ZFP2: variants seen among roughly 807,000 people sequenced by gnomAD.
The protein encoded by ZFP2 is zinc finger protein ZFP2.
ZFP2 carries 33 observed loss-of-function variants against 36.1 expected under a neutral mutation model. The ratio of observed to expected loss-of-function variants is 0.92; its 90% CI spans 0.69 to 1.22. The LOEUF (loss-of-function observed/expected upper bound fraction) is 1.22, where lower values mean the gene tolerates loss of function less well. Among genes scored for constraint, ZFP2 ranks in the 50% most tolerant of loss-of-function variants. The probability of loss-of-function intolerance (pLI) is 0.00; values close to 1 mark genes in which losing one functional copy is unlikely to be tolerated. For missense variants in ZFP2, 522 were observed against 551.4 expected, an observed-to-expected ratio of 0.95 and a Z score of 0.53; for synonymous variants, 170 against 178.0, an observed-to-expected ratio of 0.96 and a Z score of 0.36.
intron 1 of ZFP2, among the ~76,000 whole-genome samples, chr5:178,897,170 T>A (rs1455734544): frequency 6.6e-6 from 1 of 152,158 alleles, no homozygotes; most frequent in Non-Finnish European, 1.5e-5. Context: ...TTTTGATACC[T>A]CCTGTCTTAT....
intron 3 of ZFP2, among the ~76,000 whole-genome samples, chr5:178,913,690 A>G (rs1299704452): frequency 6.6e-6 from 1 of 151,944 alleles, no homozygotes; most frequent in African/African-American, 2.4e-5. Flanking sequence ...ATTTACCTCA[A>G]AATGTTGAAT....
intron 4 of ZFP2, 47 bp from the exon 5 acceptor site, chr5:178,931,190 T>G (rs974673525): frequency 3.5e-5 from 51 of 1,476,052 alleles, no homozygotes; most frequent in Non-Finnish European, 4.5e-5. Context: ...GTTTCCAGTC[T>G]CCTAGCACAG....
chr5:178,917,211 G>T (rs1758450519), intron 4 of ZFP2, among the ~76,000 whole-genome samples: 3 of 152,194 alleles, frequency 2.0e-5, no homozygotes, highest in South Asian at 4.1e-4. Flanking sequence ...TACTATCAAA[G>T]ATTATGTGTA....
Position 178,931,842 on chromosome 5 carries a change from C to A in ZFP2, c.529C>A (p.Gln177Lys). Residue 177 changes from glutamine to lysine, a missense_variant, in exon 5 of 5, where the codon CAA becomes AAA. By Grantham distance (53) the Gln-to-Lys change is moderately conservative. Transcript: ENST00000361362. ...FSQSMNLTVH[Q>K]RTHTGEKPYQ... Reference sequence around the variant, plus strand: ...TCAGAGCATGAATCTTACTGTCCATCAACGAACTCACACCGGAGAGAAACC... The same window carrying A: ...TCAGAGCATGAATCTTACTGTCCATAAACGAACTCACACCGGAGAGAAACC... The A allele has an allele frequency of 6.2e-7, 1 of 1,612,650 alleles. No homozygotes were observed. Among genetic ancestry groups the A allele is most frequent in the East Asian group, 2.2e-5 (1 of 44,864 alleles).
chr5:178,924,943 C>T (rs55841430), intron 4 of ZFP2, among the ~76,000 whole-genome samples: 30,220 of 147,414 alleles, frequency 0.21, 5,571 homozygotes, highest in Non-Finnish European at 0.27. Context: ...GCTTTGTGTG[C>T]ATCTCCTCAT....
At position 178,932,303 on chromosome 5, in the gene ZFP2, G is replaced by GT; in HGVS notation, c.991dup (p.Cys331LeufsTer7). ...GAGTAAAACCTTTTGAATGTAACGA[G>GT]TGTGGAAAAGCTTTCAGTAAGAATT... On this transcript the variant is annotated frameshift_variant, in exon 5 of 5. Transcript: ENST00000361362. LOFTEE classifies it high-confidence loss of function. 1 of 1,614,152 alleles carries GT rather than the reference G, an allele frequency of 6.2e-7. No individual in the cohort carries two copies. Among genetic ancestry groups the GT allele is most frequent in the Non-Finnish European group, 8.5e-7 (1 of 1,180,020 alleles).
In ZFP2 at chr5:178,909,887, C is replaced by T. The variant is rs1198340206; in HGVS notation, c.-449-2697C>T. 38 of 1,567,992 alleles carry T rather than the reference C, an allele frequency of 2.4e-5. 1 individual carries two copies. The Admixed American group carries it at 6.3e-4, about 26-fold the overall frequency. ...CAATCACCTGAGTGAAGTTAAGGAA[C>T]ATGTTCCAAGAGTCCCGGGAGATGC... On this transcript the variant is annotated intron_variant, in intron 1 of 4. Coordinates refer to ENST00000361362, the MANE Select transcript of ZFP2 (RefSeq NM_030613.4).
Position 178,932,827 on chromosome 5 carries a change from T to C in ZFP2, c.*128T>C. 1.7e-6 allele frequency: 2 copies of C among 1,162,716 alleles called. No homozygotes were observed. The highest frequency in any genetic ancestry group is 2.4e-6 in the Non-Finnish European group (2 of 841,308). 72.0% of individuals were successfully genotyped at this position (1,162,716 alleles called of 1,614,324 possible). ...TTCAGTTGAAGTACAATATGTCATATCAGATAATACCACTGCAGAGAATCC... is the reference window on the plus strand; with the variant it reads ...TTCAGTTGAAGTACAATATGTCATACCAGATAATACCACTGCAGAGAATCC... On this transcript the variant is annotated 3_prime_UTR_variant, in exon 5 of 5. Coordinates refer to ENST00000361362, the MANE Select transcript of ZFP2 (RefSeq NM_030613.4).
At chr5:178,902,917 A>G (rs900912401) in intron 1 of ZFP2, among the ~76,000 whole-genome samples, 8 of 152,210 alleles carry the variant, frequency 5.3e-5, no homozygotes, top group Non-Finnish European at 1.0e-4. Context: ...TGTCCATATC[A>G]GTACATCGGG....
At chr5:178,919,257 A>G (rs963698333) in intron 4 of ZFP2, among the ~76,000 whole-genome samples, 2 of 152,242 alleles carry the variant, frequency 1.3e-5, no homozygotes, top group African/African-American at 4.8e-5. Context: ...TATTAATATG[A>G]TAGTAATAGA....
At chr5:178,915,561 A>T (rs1581835905) in intron 3 of ZFP2, 1 of 150,164 alleles carries the variant, frequency 6.7e-6, no homozygotes, top group African/African-American at 2.5e-5. Context: ...CAGTCTGCCC[A>T]CCTCAGCCTC....
At position 178,932,141 on chromosome 5, in the gene ZFP2, A is replaced by G; in HGVS notation, c.828A>G (p.Gly276=). The part of the protein sequence containing the change: ...GEKPYECSQC[G]KAFSKSSTLT... ...AACCCTATGAGTGTAGTCAATGTGG[A>G]AAAGCCTTTAGTAAGAGCTCAACTC... Residue 276 remains glycine, a synonymous_variant, in exon 5 of 5, where the codon GGA becomes GGG. Transcript: ENST00000361362. The G allele has an allele frequency of 1.2e-6, 2 of 1,613,324 alleles. No homozygotes were observed. Among genetic ancestry groups the G allele is most frequent in the Non-Finnish European group, 1.7e-6 (2 of 1,179,480 alleles).
chr5:178,920,979 G>A (rs1758549044), intron 4 of ZFP2, among the ~76,000 whole-genome samples: 1 of 152,160 alleles, frequency 6.6e-6, no homozygotes, highest in Admixed American at 6.5e-5. Flanking sequence ...GTGTTAGCAG[G>A]CAGTCAACCT....
intron 1 of ZFP2, among the ~76,000 whole-genome samples, chr5:178,910,824 AC>A (rs1436807202): frequency 6.6e-6 from 1 of 151,892 alleles, no homozygotes; most frequent in Non-Finnish European, 1.5e-5. Context: ...CCCTGCCGCC[AC>A]CACCCCTTCT....
In ZFP2 at chr5:178,913,065, T is replaced by C; in HGVS notation, c.-230T>C. ...GCAAAAAGAACCGCCTGAGGGTGGC[T>C]TTCGAGGTAAGTGCCAGGCTGTGCA... On this transcript the variant is annotated 5_prime_UTR_variant, in exon 3 of 5. Transcript: ENST00000361362. The C allele has an allele frequency of 1.0e-6, 1 of 985,866 alleles. No homozygotes were observed. Among genetic ancestry groups the C allele is most frequent in the Non-Finnish European group, 1.2e-6 (1 of 829,954 alleles). 61.1% of individuals were successfully genotyped at this position (985,866 alleles called of 1,614,324 possible).
intron 1 of ZFP2, chr5:178,909,711 G>A (rs1212343360): frequency 8.6e-6 from 13 of 1,512,282 alleles, no homozygotes; most frequent in Admixed American, 6.5e-5. Context: ...GAGCCACTAA[G>A]TCTGCTCCTC....
At chr5:178,918,063 A>G (rs769648212) in intron 4 of ZFP2, among the ~76,000 whole-genome samples, 19 of 152,136 alleles carry the variant, frequency 1.2e-4, no homozygotes, top group Admixed American at 4.6e-4. Flanking sequence ...CTCACCCATC[A>G]TGTTCCCTAT....
At chr5:178,896,008 A>G (rs1251750629) in intron 1 of ZFP2, 34 bp downstream of exon 1, 1 of 152,212 alleles carries the variant, frequency 6.6e-6, no homozygotes, top group Non-Finnish European at 1.5e-5. Context: ...GGCGCGCGCC[A>G]TCCGTGAGTC....
intron 1 of ZFP2, among the ~76,000 whole-genome samples, chr5:178,909,510 C>T (rs1466905296): frequency 6.6e-6 from 1 of 152,200 alleles, no homozygotes; most frequent in Non-Finnish European, 1.5e-5. Flanking sequence ...CCCACTTTCA[C>T]TCTTGACTTC....
Sources: allele counts gnomAD v4.1 joint callset (sites outside exome capture counted in the v4.1 genomes callset), GRCh38; gene constraint gnomAD v4.1.1; transcripts MANE v1.5; gene names NCBI Gene and HGNC (gene_info 2026-07-23, HGNC 2026-07-21).